The following CA13 variants were observed in gnomAD, a reference collection of about 807,000 sequenced individuals.
The protein encoded by CA13 is carbonic anhydrase 13.
Under a neutral mutation model 31.5 loss-of-function variants are expected in CA13, and 21 were observed. That is an observed-to-expected ratio of 0.67 (90% CI 0.47 to 0.96). CA13 has a LOEUF of 0.96. Ranked by LOEUF, CA13 falls within the 40% of genes least tolerant of loss-of-function variation. The pLI is 0.00. For missense variants in CA13, 315 were observed against 318.9 expected (o/e 0.99, Z 0.09); for synonymous variants, 117 against 111.4 (o/e 1.05, Z -0.32).
chr8:85,259,776 A>C (rs977171220), intron 3 of CA13, among the ~76,000 whole-genome samples: 1 of 152,244 alleles, frequency 6.6e-6, no homozygotes, highest in African/African-American at 2.4e-5. Flanking sequence ...TTTAGACATA[A>C]GTAAACTGGT....
intron 1 of CA13, among the ~76,000 whole-genome samples, chr8:85,248,940 A>G (rs988834128): frequency 6.6e-6 from 1 of 152,158 alleles, no homozygotes; most frequent in Non-Finnish European, 1.5e-5. Context: ...ATTAAGGGGG[A>G]AAAAAGTCTA....
intron 6 of CA13, among the ~76,000 whole-genome samples, chr8:85,270,983 A>T (rs1807519542): frequency 6.6e-6 from 1 of 152,206 alleles, no homozygotes; most frequent in Non-Finnish European, 1.5e-5. Flanking sequence ...TGTGATTGTT[A>T]ATTCACTTTG....
chr8:85,245,704 C>A lies in CA13; in HGVS notation c.-125C>A. On this transcript the variant is annotated 5_prime_UTR_variant, in exon 1 of 7. Transcript: ENST00000321764. Reference sequence around the variant, plus strand: ...GAGCGCCCCGGACCGGGTTCACGGTCTCGCACTCCTGCCGCCGGCGCCCCG... The same window carrying A: ...GAGCGCCCCGGACCGGGTTCACGGTATCGCACTCCTGCCGCCGGCGCCCCG... 2 of 1,108,182 alleles carry A rather than the reference C, an allele frequency of 1.8e-6. No individual in the cohort carries two copies. Among genetic ancestry groups the A allele is most frequent in the South Asian group, 1.3e-5 (1 of 75,698 alleles). The allele number at this position is 1,108,182 out of a possible 1,614,324, so 68.6% of individuals were successfully genotyped here.
intron 3 of CA13, among the ~76,000 whole-genome samples, chr8:85,260,339 A>G (rs915497086): frequency 8.5e-5 from 13 of 152,198 alleles, no homozygotes; most frequent in African/African-American, 3.1e-4. Flanking sequence ...ATATGACTCA[A>G]TCAATACTAT....
At position 85,259,509 on chromosome 8, in the gene CA13, C is replaced by T. The variant is rs997040342; in HGVS notation, c.324C>T (p.His108=). The stretch of plus-strand genomic sequence containing the variant: ...CCGCTGATGACCACGGCTCCGAGCA[C>T]ATAGTAGATGGAGTGAGCTATGCTG... The part of the protein sequence containing the change: ...WGSADDHGSE[H]IVDGVSYAAE... Residue 108 remains histidine, a synonymous_variant, in exon 3 of 7, where the codon CAC becomes CAT. Coordinates refer to ENST00000321764, the MANE Select transcript of CA13 (RefSeq NM_198584.3). The T allele has an allele frequency of 6.2e-7, 1 of 1,614,094 alleles. No homozygotes were observed. Among genetic ancestry groups the T allele is most frequent in the African/African-American group, 1.3e-5 (1 of 75,058 alleles).
intron 3 of CA13, among the ~76,000 whole-genome samples, chr8:85,263,087 G>A (rs1000957972): frequency 6.6e-6 from 1 of 152,168 alleles, no homozygotes; most frequent in Admixed American, 6.6e-5. Flanking sequence ...AGCATTAAGA[G>A]AAAAATCTAG....
Position 85,245,546 on chromosome 8 carries a change from C to G in CA13, c.-283C>G. 1 of 456,404 alleles carries G rather than the reference C, an allele frequency of 2.2e-6. No homozygotes were observed. The highest frequency in any genetic ancestry group is 3.9e-6 in the Non-Finnish European group (1 of 256,646). The allele number at this position is 456,404 out of a possible 1,614,324, so 28.3% of individuals were successfully genotyped here. ...CAGGAGATCCCCCCCGGAAACCTTT[C>G]TCTCTCCGTCTCTCCCTCTAACTCA... On this transcript the variant is annotated 5_prime_UTR_variant, in exon 1 of 7. Transcript: ENST00000321764.
intron 1 of CA13, chr8:85,246,416 A>G (rs1239943131): frequency 4.4e-6 from 2 of 456,042 alleles, no homozygotes; most frequent in Admixed American, 2.3e-5. Flanking sequence ...AAATATTCCC[A>G]CAGCAATTTG....
intron 6 of CA13, among the ~76,000 whole-genome samples, chr8:85,275,420 A>G (rs1194770558): frequency 6.6e-6 from 1 of 152,144 alleles, no homozygotes; most frequent in African/African-American, 2.4e-5. Context: ...ATCCCCTACC[A>G]TGGCCACTGT....
chr8:85,277,475 T>G (rs1048904645), intron 6 of CA13, among the ~76,000 whole-genome samples: 5 of 152,002 alleles, frequency 3.3e-5, no homozygotes, highest in Non-Finnish European at 7.4e-5. Context: ...CATGCTGCGT[T>G]TAAGTACTGT....
intron 1 of CA13, among the ~76,000 whole-genome samples, chr8:85,249,425 G>A (rs1266666752): frequency 1.3e-5 from 2 of 150,140 alleles, no homozygotes; most frequent in African/African-American, 4.9e-5. Flanking sequence ...AGTTTGGGAA[G>A]TTGAGGCTGC....
At chr8:85,249,349 G>A (rs1587531523) in intron 1 of CA13, among the ~76,000 whole-genome samples, 2 of 152,184 alleles carry the variant, frequency 1.3e-5, no homozygotes, top group Admixed American at 1.3e-4. Context: ...TATAAAAGTA[G>A]CTGGGTGTGG....
chr8:85,248,387 G>A (rs961086891), intron 1 of CA13, among the ~76,000 whole-genome samples: 1 of 151,586 alleles, frequency 6.6e-6, no homozygotes, highest in Non-Finnish European at 1.5e-5. Context: ...AACCTGGGAG[G>A]CAGAGGTTGC....
chr8:85,263,132 A>G (rs1381937826), intron 3 of CA13, among the ~76,000 whole-genome samples: 2 of 152,166 alleles, frequency 1.3e-5, no homozygotes, highest in Non-Finnish European at 2.9e-5. Flanking sequence ...CAGCAAGCTC[A>G]AGTTCTCTAA....
At chr8:85,253,364 A>C (rs1350886710) in intron 2 of CA13, among the ~76,000 whole-genome samples, 2 of 152,006 alleles carry the variant, frequency 1.3e-5, no homozygotes, top group African/African-American at 4.8e-5. Flanking sequence ...TCCTGGGCTC[A>C]AGCAATCCTC....
chr8:85,250,926 A>C lies in CA13; in HGVS notation c.224A>C (p.Glu75Ala), dbSNP rs1429074980. 1 of 1,613,622 alleles carries C rather than the reference A, an allele frequency of 6.2e-7. No homozygotes were observed. The highest frequency in any genetic ancestry group is 1.3e-5 in the African/African-American group (1 of 74,808). ...TTCAATGTTGACTTTGATGACACAG[A>C]GAACAAATCAGGTTGGCTTTTCTTT... ...HSFNVDFDDT[E>A]NKSVLRGGPL... The change falls in exon 2 of 7, where the codon GAG becomes GCG. Residue 75 changes from glutamate (E) to alanine (A), a missense_variant. Glu to Ala is a moderately radical substitution (Grantham distance 107). Coordinates refer to ENST00000321764, the MANE Select transcript of CA13 (RefSeq NM_198584.3).
intron 1 of CA13, among the ~76,000 whole-genome samples, chr8:85,248,124 G>T (rs560361578): frequency 2.6e-5 from 4 of 152,140 alleles, no homozygotes; most frequent in Admixed American, 2.0e-4. Flanking sequence ...GTATTTAAAA[G>T]TTCCTAAATC....
chr8:85,246,394 AGTT>A, intron 1 of CA13: 1 of 456,122 alleles, frequency 2.2e-6, no homozygotes, highest in South Asian at 1.5e-5. Context: ...GTTTCCTAAT[AGTT>A]GTTACTGTAA....
intron 2 of CA13, among the ~76,000 whole-genome samples, chr8:85,253,844 G>A (rs1028806907): frequency 2.6e-5 from 4 of 151,956 alleles, no homozygotes; most frequent in Non-Finnish European, 1.5e-5. Flanking sequence ...CATCTCTTGC[G>A]GTTAATGTAA....
Sources: allele counts gnomAD v4.1 joint callset (sites outside exome capture counted in the v4.1 genomes callset), GRCh38; gene constraint gnomAD v4.1.1; transcripts MANE v1.5; gene names NCBI Gene and HGNC (gene_info 2026-07-23, HGNC 2026-07-21).